Variants in DERA observed in about 807,000 individuals in gnomAD.
DERA encodes the protein 2-deoxy-D-ribose 5-phosphate aldolase.
In DERA, 15 loss-of-function variants were observed where a neutral mutation model predicts 41.1. The observed-to-expected ratio is 0.37, with a 90% confidence interval of 0.24 to 0.56. The LOEUF is 0.56. DERA is among the 20% of genes least tolerant of loss of function. The pLI is 0.81. For synonymous variants in DERA, 139 were observed against 137.4 expected (o/e 1.01, Z -0.08); for missense variants, 396 against 403.4 (o/e 0.98, Z 0.16).
intron 5 of DERA, among the ~76,000 whole-genome samples, chr12:15,974,656 A>C (rs1948685465): frequency 6.6e-6 from 1 of 152,230 alleles, no homozygotes; most frequent in Non-Finnish European, 1.5e-5. Flanking sequence ...GCATTTTAAT[A>C]AGTAATTAAT....
In DERA at chr12:15,989,153, G is replaced by A. The variant is rs561453656; in HGVS notation, c.637+6717G>A. Reference sequence around the variant, plus strand: ...GATGCAGCTGCCCCTGGGAGCACAGGGCTCCTGCCCTACCAACATGGTAGA... The same window carrying A: ...GATGCAGCTGCCCCTGGGAGCACAGAGCTCCTGCCCTACCAACATGGTAGA... On this transcript the variant is annotated intron_variant, in intron 6 of 8. Coordinates refer to ENST00000428559, the MANE Select transcript of DERA (RefSeq NM_015954.4). This position sits in a 1 kb window ranked among gnomAD's most constrained non-coding sequence, Gnocchi z 5.2. Among the ~76,000 whole-genome samples the A allele has an allele frequency of 6.6e-6, 1 of 152,320 alleles. No homozygotes were observed. Among genetic ancestry groups the A allele is most frequent in the East Asian group, 1.9e-4 (1 of 5,168 alleles).
chr12:16,035,418 A>C lies in DERA; in HGVS notation c.751-814A>C, dbSNP rs1218591627. The stretch of plus-strand genomic sequence containing the variant: ...TGACCACTACCATCTACAGATTCCC[A>C]ACTCTACTGGATAGTCAGGTTCCTG... On this transcript the variant is annotated intron_variant, in intron 7 of 8. Transcript: ENST00000428559. The surrounding 1 kb of genome is among the most constrained non-coding windows in gnomAD (Gnocchi z 4.1). Among the ~76,000 whole-genome samples, 1 of 152,200 alleles carries C rather than the reference A, an allele frequency of 6.6e-6. No individual in the cohort carries two copies. Among genetic ancestry groups the C allele is most frequent in the East Asian group, 1.9e-4 (1 of 5,200 alleles).
intron 1 of DERA, among the ~76,000 whole-genome samples, chr12:15,946,589 T>TA (rs1216308473): frequency 1.3e-5 from 2 of 152,126 alleles, no homozygotes; most frequent in Non-Finnish European, 2.9e-5. Flanking sequence ...CTTTTTTTTT[T>TA]ATTGCATCTA....
In DERA at chr12:16,001,735, G is replaced by A. The variant is rs761025085; in HGVS notation, c.637+19299G>A. Among the ~76,000 whole-genome samples the A allele has an allele frequency of 7.2e-5, 11 of 152,132 alleles. 1 individual carries two copies. Among genetic ancestry groups the A allele is most frequent in the Admixed American group, 2.0e-4 (3 of 15,280 alleles). ...AGAGGAGAAATTTTCCCAGGAGGGC[G>A]AGGTCATGAGTTAGGAGAACACTAA... On this transcript the variant is annotated intron_variant, in intron 6 of 8. Transcript: ENST00000428559. The surrounding 1 kb of genome is among the most constrained non-coding windows in gnomAD (Gnocchi z 4.1).
chr12:15,975,732 A>G (rs905893831), intron 5 of DERA, among the ~76,000 whole-genome samples: 1 of 152,250 alleles, frequency 6.6e-6, no homozygotes, highest in Non-Finnish European at 1.5e-5. Flanking sequence ...ATAATTTTGC[A>G]AAGGCAGTTT....
intron 6 of DERA, among the ~76,000 whole-genome samples, chr12:15,997,147 A>G (rs907393859): frequency 4.6e-5 from 7 of 152,184 alleles, no homozygotes; most frequent in African/African-American, 1.7e-4. Context: ...AGAGTGAGTA[A>G]TACTACAAGC....
rs1948933290 is a variant in DERA, at chr12:16,009,414, C to G, written c.638-23128C>G. 6.6e-6 allele frequency among the ~76,000 whole-genome samples: 1 copy of G among 152,124 alleles called. No homozygotes were observed. Among genetic ancestry groups the G allele is most frequent in the African/African-American group, 2.4e-5 (1 of 41,418 alleles). Reference sequence around the variant, plus strand: ...CTTTATACTTTAAATTTTTCATCATCTTTAGTTTCCATGTATTAAATACAA... The same window carrying G: ...CTTTATACTTTAAATTTTTCATCATGTTTAGTTTCCATGTATTAAATACAA... On this transcript the variant is annotated intron_variant, in intron 6 of 8. Coordinates refer to ENST00000428559, the MANE Select transcript of DERA (RefSeq NM_015954.4). This position sits in a 1 kb window ranked among gnomAD's most constrained non-coding sequence, Gnocchi z 5.3.
At position 15,924,895 on chromosome 12, in the gene DERA, G is replaced by A. The variant is rs1948270741; in HGVS notation, c.31+13481G>A. 6.6e-6 allele frequency among the ~76,000 whole-genome samples: 1 copy of A among 152,118 alleles called. No homozygotes were observed. The highest frequency in any genetic ancestry group is 2.4e-5 in the African/African-American group (1 of 41,412). Reference sequence around the variant, plus strand: ...TGTTCTAATGCTGCCTTATTAATAGGCTGCTTGAGGGTAGGATCTGTGCTT... The same window carrying A: ...TGTTCTAATGCTGCCTTATTAATAGACTGCTTGAGGGTAGGATCTGTGCTT... On this transcript the variant is annotated intron_variant, in intron 1 of 8. Transcript: ENST00000428559. This position sits in a 1 kb window ranked among gnomAD's most constrained non-coding sequence, Gnocchi z 5.0.
At chr12:16,022,360 T>G (rs1045497121) in intron 6 of DERA, among the ~76,000 whole-genome samples, 2 of 152,220 alleles carry the variant, frequency 1.3e-5, no homozygotes, top group African/African-American at 4.8e-5. Flanking sequence ...ACAACACTTC[T>G]TGTACAGCCT....
chr12:15,967,669 T>G lies in DERA; in HGVS notation c.508+4722T>G, dbSNP rs1031967783. Among the ~76,000 whole-genome samples the G allele has an allele frequency of 6.6e-6, 1 of 152,306 alleles. No homozygotes were observed. Among genetic ancestry groups the G allele is most frequent in the Non-Finnish European group, 1.5e-5 (1 of 68,034 alleles). ...TATGTATCTTCTTATTTGTTACTGTTTTTTTGCCTACTCCTTAGTGGTTAA... is the reference window on the plus strand; with the variant it reads ...TATGTATCTTCTTATTTGTTACTGTGTTTTTGCCTACTCCTTAGTGGTTAA... On this transcript the variant is annotated intron_variant, in intron 5 of 8. Transcript: ENST00000428559. This position sits in a 1 kb window ranked among gnomAD's most constrained non-coding sequence, Gnocchi z 4.9.
In DERA at chr12:15,941,045, TTTG is replaced by T. The variant is rs879581562; in HGVS notation, c.32-15880_32-15878del. The stretch of plus-strand genomic sequence containing the variant: ...TGTGAGGTCATTGTAACTGATAGTT[TTTG>T]TTGTTGTTGTAGAATTAAAAAGCCT... On this transcript the variant is annotated intron_variant, in intron 1 of 8. Transcript: ENST00000428559. The surrounding 1 kb of genome is among the most constrained non-coding windows in gnomAD (Gnocchi z 4.5). Among the ~76,000 whole-genome samples, 6 of 152,168 alleles carry T rather than the reference TTTG, an allele frequency of 3.9e-5. No individual in the cohort carries two copies. The highest frequency in any genetic ancestry group is 2.1e-4 in the South Asian group (1 of 4,828).
At chr12:16,005,781 T>C (rs1056913760) in intron 6 of DERA, among the ~76,000 whole-genome samples, 1 of 152,236 alleles carries the variant, frequency 6.6e-6, no homozygotes, top group Non-Finnish European at 1.5e-5. Flanking sequence ...TTTTTAATAT[T>C]GAACCAAAGA....
At position 15,998,036 on chromosome 12, in the gene DERA, G is replaced by A. The variant is rs745567880; in HGVS notation, c.637+15600G>A. On this transcript the variant is annotated intron_variant, in intron 6 of 8. Coordinates refer to ENST00000428559, the MANE Select transcript of DERA (RefSeq NM_015954.4). This position sits in a 1 kb window ranked among gnomAD's most constrained non-coding sequence, Gnocchi z 4.8. ...GGTCAAATTCATAAGAAATTTGCCCGAGGACAAATAACTAAAGTCAAAACA... is the reference window on the plus strand; with the variant it reads ...GGTCAAATTCATAAGAAATTTGCCCAAGGACAAATAACTAAAGTCAAAACA... Among the ~76,000 whole-genome samples the A allele has an allele frequency of 6.8e-4, 104 of 152,122 alleles. 1 individual carries two copies. Among genetic ancestry groups the A allele is most frequent in the African/African-American group, 1.9e-3 (80 of 41,426 alleles).
chr12:15,984,002 A>G lies in DERA; in HGVS notation c.637+1566A>G, dbSNP rs915823046. ...ACCTGGGAAAAGCCCCTTGGAGGCT[A>G]CTTGGTGTACAGGTAGCCCCCCTTT... On this transcript the variant is annotated intron_variant, in intron 6 of 8. Coordinates refer to ENST00000428559, the MANE Select transcript of DERA (RefSeq NM_015954.4). The surrounding 1 kb of genome is among the most constrained non-coding windows in gnomAD (Gnocchi z 4.5). 6.6e-6 allele frequency among the ~76,000 whole-genome samples: 1 copy of G among 152,220 alleles called. No individual in the cohort carries two copies. The highest frequency in any genetic ancestry group is 2.4e-5 in the African/African-American group (1 of 41,452).
chr12:15,961,433 G>A (rs923793251), intron 4 of DERA, among the ~76,000 whole-genome samples: 1 of 152,028 alleles, frequency 6.6e-6, no homozygotes, highest in African/African-American at 2.4e-5. Flanking sequence ...CCAACACTTT[G>A]GGGGGGCTCA....
rs1948403429 is a variant in DERA at position 15,940,833 on chromosome 12, A to G, written c.32-16103A>G. Reference sequence around the variant, plus strand: ...AACATAACTACTAATTTTTTGAGGTAGATACCGATGCTTTTTAGCAGATTT... The same window carrying G: ...AACATAACTACTAATTTTTTGAGGTGGATACCGATGCTTTTTAGCAGATTT... On this transcript the variant is annotated intron_variant, in intron 1 of 8. Coordinates refer to ENST00000428559, the MANE Select transcript of DERA (RefSeq NM_015954.4). This position sits in a 1 kb window ranked among gnomAD's most constrained non-coding sequence, Gnocchi z 5.1. 6.6e-6 allele frequency among the ~76,000 whole-genome samples: 1 copy of G among 152,178 alleles called. No homozygotes were observed. Among genetic ancestry groups the G allele is most frequent in the African/African-American group, 2.4e-5 (1 of 41,448 alleles).
chr12:16,036,322 C>A lies in DERA; in HGVS notation c.841C>A (p.Leu281Met). ...AAAGGAGGAGCTTGGAGATGAGTGG[C>A]TGAAGCCAGAACTCTTTCGAATAGG... ...LVKEELGDEW[L>M]KPELFRIGAS... The change falls in exon 8 of 9, where the codon CTG (leucine) becomes ATG (methionine). Residue 281 changes from leucine to methionine, a missense_variant. Physicochemically the swap from Leu to Met is conservative, Grantham distance 15. Coordinates refer to ENST00000428559, the MANE Select transcript of DERA (RefSeq NM_015954.4). This position sits in a 1 kb window ranked among gnomAD's most constrained non-coding sequence, Gnocchi z 4.9. 1.2e-6 allele frequency: 2 copies of A among 1,613,652 alleles called. No homozygotes were observed. Among genetic ancestry groups the A allele is most frequent in the African/African-American group, 2.7e-5 (2 of 75,038 alleles).
intron 1 of DERA, among the ~76,000 whole-genome samples, chr12:15,944,991 T>C (rs1216106947): frequency 6.6e-6 from 1 of 152,240 alleles, no homozygotes; most frequent in Non-Finnish European, 1.5e-5. Flanking sequence ...TAGGGAATCC[T>C]TTCCCCGTTT....
rs184941319 is a variant in DERA, at chr12:15,935,602, A to C, written c.32-21334A>C. On this transcript the variant is annotated intron_variant, in intron 1 of 8. Coordinates refer to ENST00000428559, the MANE Select transcript of DERA (RefSeq NM_015954.4). The surrounding 1 kb of genome is among the most constrained non-coding windows in gnomAD (Gnocchi z 4.8). ...AGTGTAATTTGATTTATTTATTTTTATTAGTGGGATTTTAAATATTTACAT... is the reference window on the plus strand; with the variant it reads ...AGTGTAATTTGATTTATTTATTTTTCTTAGTGGGATTTTAAATATTTACAT... Among the ~76,000 whole-genome samples the C allele has an allele frequency of 6.6e-6, 1 of 152,296 alleles. No individual in the cohort carries two copies. The highest frequency in any genetic ancestry group is 1.9e-4 in the East Asian group (1 of 5,184).
Sources: allele counts gnomAD v4.1 joint callset (sites outside exome capture counted in the v4.1 genomes callset), GRCh38; gene constraint gnomAD v4.1.1; non-coding constraint Gnocchi (gnomAD v3.1); transcripts MANE v1.5; gene names NCBI Gene and HGNC (gene_info 2026-07-23, HGNC 2026-07-21).